INSL5: variants seen among roughly 807,000 people sequenced by gnomAD.
INSL5 encodes insulin-like peptide INSL5.
A neutral mutation model predicts 4.3 loss-of-function variants in INSL5; 3 were observed. The ratio of observed to expected loss-of-function variants is 0.70; its 90% CI spans 0.32 to 1.82. The LOEUF (loss-of-function observed/expected upper bound fraction) is 1.82, where lower values mean the gene tolerates loss of function less well. INSL5 is among the 40% of genes most tolerant of loss of function. INSL5 has a pLI of 0.08. For missense variants in INSL5, 168 were observed against 160.9 expected (o/e 1.04, Z -0.24); for synonymous variants, 68 against 56.6 (o/e 1.20, Z -0.90).
At chr1:66,799,560 T>A (rs146514159) in intron 1 of INSL5, among the ~76,000 whole-genome samples, 1 of 152,138 alleles carries the variant, frequency 6.6e-6, no homozygotes, top group Non-Finnish European at 1.5e-5. Context: ...TAAAAATGCA[T>A]TGTATTCCTG....
intron 1 of INSL5, among the ~76,000 whole-genome samples, chr1:66,799,128 A>C (rs1011248483): frequency 3.3e-5 from 5 of 152,196 alleles, no homozygotes; most frequent in Admixed American, 3.3e-4. Context: ...GAAAATGGAA[A>C]ATACATGCTT....
In INSL5 at chr1:66,801,041, T is replaced by A. The variant is rs747218792; in HGVS notation, c.175+6A>T. On this transcript the variant is annotated splice_donor_region_variant and intron_variant, in intron 1 of 1. Transcript: ENST00000304526. ...AAAATAGAGGAGACACATGAGTTAC[T>A]GTTACCTTGCTGAGCTTGAGGGATC... 1.9e-5 allele frequency: 30 copies of A among 1,598,052 alleles called. No homozygotes were observed. In the African/African-American group the frequency reaches 3.8e-4, roughly 20 times the overall value.
At position 66,798,114 on chromosome 1, in the gene INSL5, G is replaced by A; in HGVS notation, c.307C>T (p.Leu103Phe). ...LWGGQMPTEELWKSKKHSVMS... is the reference protein window; with the variant it reads ...LWGGQMPTEEFWKSKKHSVMS... ...ACTGAATGCTTCTTTGACTTCCAAA[G>A]CTCTTCAGTGGGCATCTGTCCACCC... Residue 103 changes from leucine (L) to phenylalanine (F), a missense_variant, in exon 2 of 2, where the codon CTT (leucine) becomes TTT (phenylalanine). Coordinates refer to ENST00000304526, the MANE Select transcript of INSL5 (RefSeq NM_005478.6). The A allele has an allele frequency of 2.5e-6, 4 of 1,614,056 alleles. No individual in the cohort carries two copies. Among genetic ancestry groups the A allele is most frequent in the African/African-American group, 1.3e-5 (1 of 75,024 alleles).
At position 66,801,256 on chromosome 1, in the gene INSL5, A is replaced by T. The variant is rs376020652; in HGVS notation, c.-35T>A. 6 of 1,509,058 alleles carry T rather than the reference A, an allele frequency of 4.0e-6. No homozygotes were observed. The highest frequency in any genetic ancestry group is 5.5e-6 in the Non-Finnish European group (6 of 1,097,130). The allele number at this position is 1,509,058 out of a possible 1,614,324, so 93.5% of individuals were successfully genotyped here. On this transcript the variant is annotated 5_prime_UTR_variant, in exon 1 of 2. Coordinates refer to ENST00000304526, the MANE Select transcript of INSL5 (RefSeq NM_005478.6). ...GACTGAATGTGAATCTGATATGGTA[A>T]ATATAGTCAAATCAAATTCTGGAGT... is the stretch of plus-strand genomic sequence containing the variant.
At chr1:66,798,346 G>A in intron 1 of INSL5, 101 bp from the exon 2 acceptor site, 1 of 795,056 alleles carries the variant, frequency 1.3e-6, no homozygotes, top group Middle Eastern at 3.6e-4. Flanking sequence ...TCCCTAAAAT[G>A]AAATAGAATC....
chr1:66,798,091 T>C lies in INSL5; in HGVS notation c.330A>G (p.Ser110=), dbSNP rs1333829309. 3 of 1,614,024 alleles carry C rather than the reference T, an allele frequency of 1.9e-6. No homozygotes were observed. Among genetic ancestry groups the C allele is most frequent in the South Asian group, 1.1e-5 (1 of 91,090 alleles). ...TEELWKSKKH[S]VMSRQDLQTL... is the part of the protein sequence containing the mutation. ...TTTGTAAATCTTGTCTTGACATCAC[T>C]GAATGCTTCTTTGACTTCCAAAGCT... The change falls in exon 2 of 2, where the codon TCA becomes TCG. Residue 110 remains serine, a synonymous_variant. Coordinates refer to ENST00000304526, the MANE Select transcript of INSL5 (RefSeq NM_005478.6).
chr1:66,800,887 A>G (rs1645371573), intron 1 of INSL5, among the ~76,000 whole-genome samples, 160 bp downstream of exon 1: 1 of 152,212 alleles, frequency 6.6e-6, no homozygotes, highest in African/African-American at 2.4e-5. Flanking sequence ...TCCCAAGCCA[A>G]ATTCAGTATA....
Position 66,801,064 on chromosome 1 carries a change from A to C in INSL5, c.158T>G (p.Ile53Ser), listed in dbSNP as rs372170547. 6.2e-6 allele frequency: 10 copies of C among 1,612,088 alleles called. No individual in the cohort carries two copies. Among genetic ancestry groups the C allele is most frequent in the Non-Finnish European group, 8.5e-6 (10 of 1,178,718 alleles). The change falls in exon 1 of 2, where the codon ATC becomes AGC. Residue 53 changes from isoleucine (I) to serine (S), a missense_variant. By Grantham distance (142) the Ile-to-Ser change is moderately radical. Transcript: ENST00000304526. ...SSRWRRHQEG[I>S]PQAQQAETGN... ...ACTGTTACCTTGCTGAGCTTGAGGG[A>C]TCCCCTCCTGATGCCTTCTCCACCT...
chr1:66,800,985 G>T (rs1322778744), intron 1 of INSL5, 62 bp downstream of exon 1: 4 of 1,267,184 alleles, frequency 3.2e-6, no homozygotes, highest in Non-Finnish European at 4.4e-6. Flanking sequence ...TTAAAACACA[G>T]CTTGAAAAAA....
At position 66,801,164 on chromosome 1, in the gene INSL5, CT is replaced by C. The variant is rs1327066063; in HGVS notation, c.57del (p.Val20CysfsTer7). 1 of 1,613,440 alleles carries C rather than the reference CT, an allele frequency of 6.2e-7. No individual in the cohort carries two copies. Among genetic ancestry groups the C allele is most frequent in the African/African-American group, 1.3e-5 (1 of 74,910 alleles). ...FLFSVLFAIS[E>X]VRSKESVRLC... ...AGTCTCACAGACTCCTTGCTCCGCA[CT>C]TCTGAGATGGCAAATAGGACAGAGA... is the stretch of plus-strand genomic sequence containing the variant. On this transcript the variant is annotated frameshift_variant, in exon 1 of 2. Coordinates refer to ENST00000304526, the MANE Select transcript of INSL5 (RefSeq NM_005478.6). LOFTEE classifies it high-confidence loss of function.
At chr1:66,800,956 C>A in intron 1 of INSL5, 91 bp downstream of exon 1, 1 of 961,928 alleles carries the variant, frequency 1.0e-6, no homozygotes, top group Non-Finnish European at 1.5e-6. Flanking sequence ...CTTAGAGAAA[C>A]ACTTAATAAA....
intron 1 of INSL5, 37 bp downstream of exon 1, chr1:66,801,010 G>A (rs1233637584): frequency 1.4e-6 from 2 of 1,472,250 alleles, no homozygotes; most frequent in Non-Finnish European, 1.9e-6. Context: ...AGAGACATGT[G>A]AAAGGAAAAT....
chr1:66,801,117 C>T lies in INSL5; in HGVS notation c.105G>A (p.Arg35=). 2 of 1,613,622 alleles carry T rather than the reference C, an allele frequency of 1.2e-6. No homozygotes were observed. Among genetic ancestry groups the T allele is most frequent in the Non-Finnish European group, 1.7e-6 (2 of 1,179,520 alleles). Residue 35 remains arginine (R), a synonymous_variant, in exon 1 of 2, where the codon CGG becomes CGA. Transcript: ENST00000304526. ...SVRLCGLEYI[R]TVIYICASSR... ...AGCTAGCACAGATATAGATGACTGT[C>T]CGTATGTATTCTAGCCCACAGAGTC... is the stretch of plus-strand genomic sequence containing the variant.
At position 66,801,158 on chromosome 1, in the gene INSL5, T is replaced by C. The variant is rs748032013; in HGVS notation, c.64A>G (p.Ser22Gly). The C allele has an allele frequency of 1.9e-6, 3 of 1,613,122 alleles. No individual in the cohort carries two copies. Among genetic ancestry groups the C allele is most frequent in the Non-Finnish European group, 2.5e-6 (3 of 1,179,172 alleles). Residue 22 changes from serine (S) to glycine (G), a missense_variant, in exon 1 of 2, where the codon AGC becomes GGC. By Grantham distance (56) the Ser-to-Gly change is moderately conservative (BLOSUM62 0). Transcript: ENST00000304526. ...SVLFAISEVRSKESVRLCGLE... is the reference protein window; with the variant it reads ...SVLFAISEVRGKESVRLCGLE... Reference sequence around the variant, plus strand: ...CCACAGAGTCTCACAGACTCCTTGCTCCGCACTTCTGAGATGGCAAATAGG... The same window carrying C: ...CCACAGAGTCTCACAGACTCCTTGCCCCGCACTTCTGAGATGGCAAATAGG...
chr1:66,799,864 C>G (rs541255003), intron 1 of INSL5, among the ~76,000 whole-genome samples: 5 of 151,990 alleles, frequency 3.3e-5, no homozygotes, highest in Admixed American at 3.3e-4. Flanking sequence ...GCCTGGGCAA[C>G]ATTGCAAGAC....
At chr1:66,800,821 G>A (rs772930812) in intron 1 of INSL5, among the ~76,000 whole-genome samples, 20 of 152,114 alleles carry the variant, frequency 1.3e-4, no homozygotes, top group Non-Finnish European at 2.4e-4. Flanking sequence ...ATGATTTCAA[G>A]CAGGGGACTA....
At chr1:66,800,820 A>T (rs1198014456) in intron 1 of INSL5, among the ~76,000 whole-genome samples, 1 of 152,196 alleles carries the variant, frequency 6.6e-6, no homozygotes. Flanking sequence ...AATGATTTCA[A>T]GCAGGGGACT....
At chr1:66,799,609 A>C (rs1327754996) in intron 1 of INSL5, among the ~76,000 whole-genome samples, 2 of 152,246 alleles carry the variant, frequency 1.3e-5, no homozygotes, top group Non-Finnish European at 2.9e-5. Flanking sequence ...TCCTCATCAC[A>C]AAAACATAAG....
At chr1:66,800,952 G>A (rs1645371920) in intron 1 of INSL5, 95 bp downstream of exon 1, 2 of 938,452 alleles carry the variant, frequency 2.1e-6, no homozygotes, top group South Asian at 4.2e-5. Flanking sequence ...AGTACTTAGA[G>A]AAACACTTAA....
Sources: allele counts gnomAD v4.1 joint callset (sites outside exome capture counted in the v4.1 genomes callset), GRCh38; gene constraint gnomAD v4.1.1; transcripts MANE v1.5; gene names NCBI Gene and HGNC (gene_info 2026-07-23, HGNC 2026-07-21).